MGAM: variants seen among roughly 807,000 people sequenced by gnomAD.
MGAM encodes maltase-glucoamylase, also known as alpha-1,4-glucosidase.
A neutral mutation model predicts 358.8 loss-of-function variants in MGAM; 253 were observed. The ratio of observed to expected loss-of-function variants is 0.71; its 90% CI spans 0.64 to 0.78. The LOEUF is 0.78. Ranked by LOEUF, MGAM falls within the 30% of genes least tolerant of loss-of-function variation. MGAM has a pLI of 0.00. For synonymous variants in MGAM, 1,105 were observed against 1,227.1 expected, an observed-to-expected ratio of 0.90 and a Z score of 2.08; for missense variants, 3,080 against 3,432.6, an observed-to-expected ratio of 0.90 and a Z score of 2.57.
rs1810953446 is a variant in MGAM, at chr7:142,051,567, C to T, written c.2805+703C>T. Among the ~76,000 whole-genome samples, 7 of 152,114 alleles carry T rather than the reference C, an allele frequency of 4.6e-5. No individual in the cohort carries two copies. The South Asian group carries it at 1.5e-3, about 32-fold the overall frequency. On this transcript the variant is annotated intron_variant, in intron 24 of 70. Transcript: ENST00000475668. ...ATTAAATATTTGAACTAATGGTATT[C>T]AAGGAAGGTTTCAGAATTGGAGTCT...
At chr7:142,094,219 GAGCCCCCATTAC>G in intron 60 of MGAM, 133 bp from the exon 61 acceptor site, 1 of 1,007,978 alleles carries the variant, frequency 9.9e-7, no homozygotes, top group Non-Finnish European at 1.4e-6. Context: ...GGGATCAGTG[GAGCCCCCATTAC>G]AGCTCAGAGT....
upstream of MGAM, among the ~76,000 whole-genome samples, chr7:141,991,618 G>A (rs1226151889): frequency 2.0e-5 from 3 of 151,966 alleles, no homozygotes; most frequent in Non-Finnish European, 4.4e-5. Flanking sequence ...TGTATTTTTA[G>A]TAGAGACGGG....
At chr7:142,062,537 G>C in intron 34 of MGAM, 31 bp from the exon 35 acceptor site, 1 of 1,525,944 alleles carries the variant, frequency 6.6e-7, no homozygotes, top group Non-Finnish European at 8.8e-7. Context: ...ATATTTGTGT[G>C]GGACAAAGAA....
chr7:142,052,134 C>T (rs944371421), intron 24 of MGAM, among the ~76,000 whole-genome samples, 160 bp from the exon 25 acceptor site: 3 of 152,066 alleles, frequency 2.0e-5, no homozygotes, highest in Non-Finnish European at 4.4e-5. Context: ...TAGATTCTCC[C>T]AATGTGCAGT....
Position 142,040,749 on chromosome 7 carries a change from A to C in MGAM, c.2401A>C (p.Lys801Gln). The stretch of plus-strand genomic sequence containing the variant: ...GAGCCAAGTGAGATGGAGGAAGCAA[A>C]AAGTCGAGATGGAACTTCCTGGAGA... The part of the protein sequence containing the change: ...TGSQVRWRKQ[K>Q]VEMELPGDKI... Residue 801 changes from lysine (K) to glutamine (Q), a missense_variant, in exon 21 of 71, where the codon AAA becomes CAA. By Grantham distance (53) the Lys-to-Gln change is moderately conservative. This residue lies in a region of MGAM where 1,816 missense variants were observed against 1,840.5 expected (regional missense o/e 0.99). Transcript: ENST00000475668. 6.2e-7 allele frequency: 1 copy of C among 1,613,332 alleles called. No homozygotes were observed. The highest frequency in any genetic ancestry group is 8.5e-7 in the Non-Finnish European group (1 of 1,179,558).
At chr7:142,033,118 C>A (rs2129005329) in intron 14 of MGAM, among the ~76,000 whole-genome samples, 1 of 152,246 alleles carries the variant, frequency 6.6e-6, no homozygotes, top group East Asian at 1.9e-4. Context: ...AAGGGGCAAT[C>A]TAGTACTTCT....
chr7:142,039,378 G>T (rs1808301441), intron 19 of MGAM, among the ~76,000 whole-genome samples: 1 of 151,918 alleles, frequency 6.6e-6, no homozygotes, highest in African/African-American at 2.4e-5. Context: ...TGAGATTACA[G>T]GTGTGAGTCA....
chr7:142,075,437 G>A (rs370756196), intron 45 of MGAM, among the ~76,000 whole-genome samples: 5 of 146,444 alleles, frequency 3.4e-5, no homozygotes, highest in African/African-American at 9.7e-5. Context: ...GTAAACAGGC[G>A]TGACTACATC....
At chr7:142,000,273 A>G (rs1804629095) in intron 1 of MGAM, among the ~76,000 whole-genome samples, 1 of 152,184 alleles carries the variant, frequency 6.6e-6, no homozygotes, top group East Asian at 1.9e-4. Flanking sequence ...AGGCTTGAAT[A>G]GGGGTAGAGG....
Position 142,105,912 on chromosome 7 carries a change from A to G in MGAM, c.*21A>G, listed in dbSNP as rs374495053. The stretch of plus-strand genomic sequence containing the variant: ...TGTGAATTTTTACAGCAAGATTCTA[A>G]CTAACTATGAATGACTTTGAAACTA... On this transcript the variant is annotated 3_prime_UTR_variant, in exon 71 of 71. Coordinates refer to ENST00000475668, the MANE Select transcript of MGAM (RefSeq NM_001365693.1). 6.7e-5 allele frequency: 103 copies of G among 1,536,724 alleles called. No homozygotes were observed. Among genetic ancestry groups the G allele is most frequent in the Non-Finnish European group, 8.7e-5 (97 of 1,110,600 alleles).
chr7:142,054,405 G>GT (rs1455310682), intron 26 of MGAM, among the ~76,000 whole-genome samples: 4 of 151,174 alleles, frequency 2.6e-5, no homozygotes, highest in East Asian at 1.9e-4. Context: ...GGGGAGACAG[G>GT]TTTTTTTTTG....
rs547053113 is a variant in MGAM at position 142,050,621 on chromosome 7, T to C, written c.2638-76T>C. ...GCAGTGGGGGGTATCCGGTCTGGAATGGAATATTTGAGTGACTTGAGAATC... is the reference window on the plus strand; with the variant it reads ...GCAGTGGGGGGTATCCGGTCTGGAACGGAATATTTGAGTGACTTGAGAATC... On this transcript the variant is annotated intron_variant, in intron 23 of 70. Transcript: ENST00000475668. The C allele has an allele frequency of 4.2e-6, 6 of 1,439,182 alleles. No homozygotes were observed. The Admixed American group carries it at 8.0e-5, about 19-fold the overall frequency. 89.2% of individuals were successfully genotyped at this position (1,439,182 alleles called of 1,614,324 possible).
At chr7:142,098,836 T>A (rs1816186411) in intron 66 of MGAM, among the ~76,000 whole-genome samples, 1 of 152,214 alleles carries the variant, frequency 6.6e-6, no homozygotes, top group African/African-American at 2.4e-5. Context: ...TAGAAAAAGA[T>A]GAAATTTTGA....
Position 142,103,422 on chromosome 7 carries a change from A to G in MGAM, c.8167A>G (p.Asn2723Asp), listed in dbSNP as rs1179488617. ...SGMVITPSFN[N>D]DPTTQVLSID... The stretch of plus-strand genomic sequence containing the variant: ...CATGGTCATAACACCCTCCTTCAAC[A>G]ATGACCCCACGACACAGGTTTGTGA... Residue 2723 changes from asparagine (N) to aspartate (D), a missense_variant, in exon 70 of 71, where the codon AAT becomes GAT. Transcript: ENST00000475668. The G allele has an allele frequency of 6.2e-7, 1 of 1,607,136 alleles. No individual in the cohort carries two copies.
chr7:142,068,520 AC>A, intron 42 of MGAM, 126 bp from the exon 43 acceptor site: 1 of 736,472 alleles, frequency 1.4e-6, no homozygotes, highest in South Asian at 1.6e-5. Context: ...CCAGTTGTTA[AC>A]CTCTTGGGAC....
intron 46 of MGAM, 154 bp downstream of exon 46, chr7:142,076,406 C>T (rs761205455): frequency 2.1e-6 from 2 of 937,182 alleles, no homozygotes; most frequent in East Asian, 2.4e-5. Context: ...TCGATGTTTT[C>T]AAAAGGAGGC....
intron 2 of MGAM, among the ~76,000 whole-genome samples, chr7:142,008,138 G>C (rs1172703410): frequency 6.6e-6 from 1 of 152,196 alleles, no homozygotes; most frequent in Non-Finnish European, 1.5e-5. Flanking sequence ...TAATGTTCCA[G>C]TAATACTTTG....
intron 3 of MGAM, among the ~76,000 whole-genome samples, chr7:142,018,172 G>A (rs1413733835): frequency 6.6e-6 from 1 of 152,182 alleles, no homozygotes; most frequent in Non-Finnish European, 1.5e-5. Flanking sequence ...CTCTTGGAAG[G>A]CTGCAGTCAA....
At chr7:142,050,551 A>G in intron 23 of MGAM, 146 bp from the exon 24 acceptor site, 2 of 948,786 alleles carry the variant, frequency 2.1e-6, no homozygotes, top group Non-Finnish European at 1.6e-6. Flanking sequence ...ATAATGTTGT[A>G]CTTCTTCAGC....
Sources: allele counts gnomAD v4.1 joint callset (sites outside exome capture counted in the v4.1 genomes callset), GRCh38; gene constraint gnomAD v4.1.1; regional missense constraint gnomAD v4.1.1; transcripts MANE v1.5; gene names NCBI Gene and HGNC (gene_info 2026-07-23, HGNC 2026-07-21).